The following PRKN variants were observed in gnomAD, a reference collection of about 807,000 sequenced individuals.
PRKN encodes E3 ubiquitin-protein ligase parkin.
A neutral mutation model predicts 59.5 loss-of-function variants in PRKN; 56 were observed. The observed-to-expected ratio is 0.94, with a 90% CI of 0.76 to 1.18. The LOEUF (loss-of-function observed/expected upper bound fraction) is 1.18, where lower values mean the gene tolerates loss of function less well. Ranked by LOEUF, PRKN falls within the 50% of genes most tolerant of loss-of-function variation. PRKN has a pLI of 0.00. For synonymous variants in PRKN, 250 were observed against 222.1 expected (o/e 1.13, Z -1.12); for missense variants, 657 against 596.4 (o/e 1.10, Z -1.06).
intron 5 of PRKN, among the ~76,000 whole-genome samples, chr6:162,016,365 C>G (rs924187523): frequency 3.3e-5 from 5 of 152,058 alleles, no homozygotes; most frequent in African/African-American, 1.2e-4. Flanking sequence ...CCTTGGAACC[C>G]CTGCAGACTG....
chr6:162,096,196 T>C (rs1779722496), intron 4 of PRKN, among the ~76,000 whole-genome samples: 1 of 152,188 alleles, frequency 6.6e-6, no homozygotes, highest in African/African-American at 2.4e-5. Context: ...GGATTTGTTT[T>C]ACCACAGATT....
At chr6:161,883,984 AT>A (rs1795041442) in intron 6 of PRKN, among the ~76,000 whole-genome samples, 1 of 145,722 alleles carries the variant, frequency 6.9e-6, no homozygotes, top group Non-Finnish European at 1.6e-5. Context: ...ACTCTTGAAA[AT>A]TTATGTGATT....
intron 6 of PRKN, among the ~76,000 whole-genome samples, chr6:161,919,642 C>T: frequency 6.6e-6 from 1 of 152,188 alleles, no homozygotes; most frequent in East Asian, 1.9e-4. Context: ...TTAGCAAGTG[C>T]TGGAAATACA....
chr6:161,928,862 T>C (rs13194166), intron 6 of PRKN, among the ~76,000 whole-genome samples: 23,208 of 152,194 alleles, frequency 0.15, 2,154 homozygotes, highest in Non-Finnish European at 0.21. Context: ...TGGGGACTCA[T>C]GAGAGCATTT....
intron 1 of PRKN, among the ~76,000 whole-genome samples, chr6:162,561,423 G>T (rs897454163): frequency 3.9e-5 from 6 of 151,926 alleles, no homozygotes; most frequent in African/African-American, 1.5e-4. Context: ...TCCACCGTTC[G>T]TCCCCCGACC....
intron 2 of PRKN, among the ~76,000 whole-genome samples, chr6:162,360,760 C>T (rs1489934809): frequency 1.3e-5 from 2 of 152,110 alleles, no homozygotes; most frequent in African/African-American, 2.4e-5. Context: ...TCTATGTTTC[C>T]GTGGCACACC....
At chr6:162,203,256 G>C (rs1396228440) in intron 3 of PRKN, among the ~76,000 whole-genome samples, 2 of 152,130 alleles carry the variant, frequency 1.3e-5, no homozygotes, top group African/African-American at 4.8e-5. Context: ...AAGTCCTTCA[G>C]AAGTTATTCA....
chr6:161,950,719 T>TAA (rs1312606710), intron 6 of PRKN, among the ~76,000 whole-genome samples: 2 of 152,186 alleles, frequency 1.3e-5, no homozygotes, highest in Non-Finnish European at 2.9e-5. Context: ...ACCTACAGAC[T>TAA]GGTTTATCAG....
At chr6:162,206,754 C>G (rs564952349) in intron 3 of PRKN, among the ~76,000 whole-genome samples, 1 of 152,240 alleles carries the variant, frequency 6.6e-6, no homozygotes, top group East Asian at 1.9e-4. Context: ...TCTTCCTCAT[C>G]ATCCATCAGG....
At chr6:162,418,670 G>A (rs1314515151) in intron 2 of PRKN, among the ~76,000 whole-genome samples, 1 of 146,214 alleles carries the variant, frequency 6.8e-6, no homozygotes, top group Non-Finnish European at 1.5e-5. Context: ...GTTGAGGGGG[G>A]GGATGGCTGG....
chr6:162,318,712 T>C (rs1782855022), intron 2 of PRKN, among the ~76,000 whole-genome samples: 1 of 152,010 alleles, frequency 6.6e-6, no homozygotes, highest in African/African-American at 2.4e-5. Context: ...GAGTGTCTTT[T>C]ACTGAGCTTA....
At chr6:161,425,154 G>C (rs1268288110) in intron 9 of PRKN, among the ~76,000 whole-genome samples, 1 of 152,054 alleles carries the variant, frequency 6.6e-6, no homozygotes, top group African/African-American at 2.4e-5. Context: ...TAACATAGGA[G>C]GAAACTGCAT....
intron 7 of PRKN, among the ~76,000 whole-genome samples, chr6:161,753,532 G>A (rs1373750500): frequency 3.3e-5 from 5 of 152,224 alleles, no homozygotes; most frequent in Non-Finnish European, 7.3e-5. Flanking sequence ...AGGGGGATAA[G>A]AGGTTTATGG....
chr6:162,491,448 G>A (rs1792813123), intron 1 of PRKN, among the ~76,000 whole-genome samples: 1 of 152,192 alleles, frequency 6.6e-6, no homozygotes, highest in African/African-American at 2.4e-5. Flanking sequence ...AGGTGTGCGT[G>A]ACGACGTCAC....
chr6:162,373,656 A>G (rs1785890634), intron 2 of PRKN, among the ~76,000 whole-genome samples: 1 of 152,176 alleles, frequency 6.6e-6, no homozygotes, highest in Non-Finnish European at 1.5e-5. Flanking sequence ...ATACCCTTAT[A>G]TAGGAAATTT....
chr6:161,904,636 C>T (rs932793644), intron 6 of PRKN, among the ~76,000 whole-genome samples: 2 of 152,070 alleles, frequency 1.3e-5, no homozygotes, highest in African/African-American at 4.8e-5. Context: ...TTTAAAAACA[C>T]ATTCCCTGTG....
At chr6:162,418,350 GAA>G (rs1046154435) in intron 2 of PRKN, among the ~76,000 whole-genome samples, 2 of 152,150 alleles carry the variant, frequency 1.3e-5, no homozygotes, top group African/African-American at 2.4e-5. Flanking sequence ...TGAGAAAAGG[GAA>G]TGACTGCTAC....
chr6:162,277,940 C>A (rs1780708359), intron 2 of PRKN, among the ~76,000 whole-genome samples: 2 of 152,144 alleles, frequency 1.3e-5, no homozygotes, highest in Admixed American at 1.3e-4. Context: ...GAGTTGAAAA[C>A]TAAAATCATG....
chr6:162,202,824 A>G (rs1055818988), intron 3 of PRKN, among the ~76,000 whole-genome samples: 9 of 152,244 alleles, frequency 5.9e-5, no homozygotes, highest in Non-Finnish European at 1.0e-4. Context: ...AAAAGATCAC[A>G]AGAACTGTGA....
Sources: gnomAD v4.1 joint callset for allele counts (sites outside exome capture counted in the v4.1 genomes callset) on GRCh38, gnomAD v4.1.1 for gene constraint, MANE v1.5 for transcripts, NCBI Gene and HGNC (gene_info 2026-07-23, HGNC 2026-07-21) for gene names.